Variants in CASD1 observed in about 807,000 individuals in gnomAD.
The protein encoded by CASD1 is N-acetylneuraminate (7)9-O-acetyltransferase.
Under a neutral mutation model 100.0 loss-of-function variants are expected in CASD1, and 41 were observed. The observed-to-expected ratio is 0.41, with a 90% CI of 0.32 to 0.53. The LOEUF is 0.53. Ranked by LOEUF, CASD1 falls within the 20% of genes least tolerant of loss-of-function variation. CASD1 has a pLI of 0.25. For missense variants in CASD1, 774 were observed against 948.7 expected (o/e 0.82, Z 2.42); for synonymous variants, 321 against 315.6 (o/e 1.02, Z -0.18).
At chr7:94,610,253 C>T in the CASD1 span, among the ~76,000 whole-genome samples, 1 of 152,148 alleles carries the variant, frequency 6.6e-6, no homozygotes. Context: ...AGCAGTGAAA[C>T]TACTCTGTAT....
chr7:94,547,375 G>A (rs1795730381), intron 13 of CASD1, among the ~76,000 whole-genome samples, 200 bp downstream of exon 13: 1 of 151,774 alleles, frequency 6.6e-6, no homozygotes, highest in South Asian at 2.1e-4. Context: ...TGTTGTAAGA[G>A]CAAGTTAAAG....
chr7:94,563,478 C>G, the CASD1 span, among the ~76,000 whole-genome samples: 1 of 151,468 alleles, frequency 6.6e-6, no homozygotes, highest in Non-Finnish European at 1.5e-5. Flanking sequence ...TTTTTTTTAT[C>G]CTTGTGCAAC....
rs1793592092 is a variant in CASD1, at chr7:94,509,844, G to A, written c.-241G>A. ...TCCAGGGCGCCTGGGGAACCGGCAC[G>A]GCGGAGCAGCGGCGGCGGGGCTGGG... On this transcript the variant is annotated 5_prime_UTR_variant, in exon 1 of 18. Coordinates refer to ENST00000297273, the MANE Select transcript of CASD1 (RefSeq NM_022900.5). 3 of 1,006,844 alleles carry A rather than the reference G, an allele frequency of 3.0e-6. No homozygotes were observed. The highest frequency in any genetic ancestry group is 3.6e-6 in the Non-Finnish European group (3 of 844,518). The allele number at this position is 1,006,844 out of a possible 1,614,324, so 62.4% of individuals were successfully genotyped here. A position where few individuals can be genotyped will look rare whatever the true frequency, so the allele number is the denominator to read the frequency against.
chr7:94,625,279 A>G, the CASD1 span: 1 of 152,066 alleles, frequency 6.6e-6, no homozygotes, highest in African/African-American at 2.4e-5. Context: ...TTAAAATACT[A>G]TACCTGTTAC....
chr7:94,568,772 A>G, the CASD1 span, among the ~76,000 whole-genome samples: 132 of 152,344 alleles, frequency 8.7e-4, no homozygotes, highest in Non-Finnish European at 1.5e-3. Context: ...TATTGCCCTT[A>G]TAAAAGAAGC....
At chr7:94,519,368 G>A (rs1190960103) in intron 3 of CASD1, among the ~76,000 whole-genome samples, 2 of 152,094 alleles carry the variant, frequency 1.3e-5, no homozygotes, top group Non-Finnish European at 2.9e-5. Context: ...AATTGTGAGG[G>A]GAGTAGCTCA....
At chr7:94,546,988 A>G (rs1795711732) in intron 12 of CASD1, 108 bp from the exon 13 acceptor site, 2 of 608,494 alleles carry the variant, frequency 3.3e-6, no homozygotes, top group Non-Finnish European at 5.3e-6. Flanking sequence ...AAGCATTCTT[A>G]TATTATTTTA....
At chr7:94,607,837 G>A in the CASD1 span, among the ~76,000 whole-genome samples, 1 of 152,170 alleles carries the variant, frequency 6.6e-6, no homozygotes, top group Non-Finnish European at 1.5e-5. Context: ...ATTAAATACT[G>A]TCTTTCTTTG....
the CASD1 span, among the ~76,000 whole-genome samples, chr7:94,562,688 C>T: frequency 6.6e-6 from 1 of 151,916 alleles, no homozygotes; most frequent in Admixed American, 6.6e-5. Context: ...CCTTCTCTAA[C>T]TGCCAATTGT....
rs1298549989 is a variant in CASD1 at position 94,526,826 on chromosome 7, A to G, written c.352-336A>G. ...AACAAAATCAAATCAAACAAAAAATAGTAATACTGGAACTAAATTGGAATC... is the reference window on the plus strand; with the variant it reads ...AACAAAATCAAATCAAACAAAAAATGGTAATACTGGAACTAAATTGGAATC... On this transcript the variant is annotated intron_variant, in intron 3 of 17. Transcript: ENST00000297273. 2.0e-5 allele frequency among the ~76,000 whole-genome samples: 3 copies of G among 152,192 alleles called. No individual in the cohort carries two copies. In the East Asian group the frequency reaches 5.8e-4, roughly 29 times the overall value.
the CASD1 span, among the ~76,000 whole-genome samples, chr7:94,633,433 G>T: frequency 4.6e-5 from 7 of 152,166 alleles, no homozygotes; most frequent in Non-Finnish European, 7.4e-5. Flanking sequence ...GCAAGTAGCT[G>T]GGATCATTAT....
intron 1 of CASD1, among the ~76,000 whole-genome samples, chr7:94,516,594 A>G (rs898714188): frequency 1.1e-4 from 16 of 152,108 alleles, no homozygotes; most frequent in African/African-American, 3.9e-4. Flanking sequence ...TTATATCCCC[A>G]TAGTTAACCT....
the CASD1 span, among the ~76,000 whole-genome samples, chr7:94,564,275 CTTG>C: frequency 2.0e-5 from 3 of 152,284 alleles, no homozygotes; most frequent in South Asian, 6.2e-4. Context: ...CTTGGTTGAG[CTTG>C]TTGTAGTGTA....
At chr7:94,541,946 C>T (rs1044395013) in intron 10 of CASD1, among the ~76,000 whole-genome samples, 2 of 152,056 alleles carry the variant, frequency 1.3e-5, no homozygotes, top group African/African-American at 4.8e-5. Context: ...GTCCATTGTA[C>T]TAGTACAACT....
chr7:94,591,056 C>T, the CASD1 span, among the ~76,000 whole-genome samples: 4 of 152,188 alleles, frequency 2.6e-5, no homozygotes, highest in East Asian at 1.9e-4. Flanking sequence ...CGATTATATT[C>T]GTTTTTATTG....
chr7:94,509,941 G>T lies in CASD1; in HGVS notation c.-144G>T. On this transcript the variant is annotated 5_prime_UTR_variant, in exon 1 of 18. It adds an upstream start codon to the 5' untranslated region. Transcript: ENST00000297273. ...CGGGGGCGCCGCGGCCGCGGGGTCA[G>T]GTTCCCCGGCGGGAGGCGCAGGTGG... 8.4e-7 allele frequency: 1 copy of T among 1,183,760 alleles called. No individual in the cohort carries two copies. Among genetic ancestry groups the T allele is most frequent in the Non-Finnish European group, 1.1e-6 (1 of 950,158 alleles). The allele number at this position is 1,183,760 out of a possible 1,614,324, so 73.3% of individuals were successfully genotyped here.
At chr7:94,633,679 G>A in the CASD1 span, among the ~76,000 whole-genome samples, 1 of 152,072 alleles carries the variant, frequency 6.6e-6, no homozygotes, top group Non-Finnish European at 1.5e-5. Flanking sequence ...TTTACTAATA[G>A]TCCAGTGGAA....
At chr7:94,560,897 C>G (rs1353899649), downstream of CASD1, among the ~76,000 whole-genome samples, 1 of 152,038 alleles carries the variant, frequency 6.6e-6, no homozygotes, top group Non-Finnish European at 1.5e-5. Flanking sequence ...GAGAAATGAC[C>G]TGTTAAGGCT....
the CASD1 span, among the ~76,000 whole-genome samples, chr7:94,580,739 T>G: frequency 1.3e-5 from 2 of 152,230 alleles, no homozygotes; most frequent in Non-Finnish European, 2.9e-5. Context: ...ATGCACATAG[T>G]GTTTACTCCT....
Sources: gnomAD v4.1 joint callset for allele counts (sites outside exome capture counted in the v4.1 genomes callset) on GRCh38, gnomAD v4.1.1 for gene constraint, MANE v1.5 for transcripts, NCBI Gene and HGNC (gene_info 2026-07-23, HGNC 2026-07-21) for gene names.